The following RTL4 variants were observed in gnomAD, a reference collection of about 807,000 sequenced individuals.
RTL4 encodes the protein retrotransposon Gag like 4, also known as retrotransposon Gag-like protein 4.
RTL4 carries 4 observed loss-of-function variants against 5.3 expected under a neutral mutation model. The observed-to-expected ratio is 0.75, with a 90% CI of 0.37 to 1.72. The LOEUF (loss-of-function observed/expected upper bound fraction) is 1.72. Among genes scored for constraint, RTL4 ranks in the 40% most tolerant of loss-of-function variants. The probability of loss-of-function intolerance (pLI) is 0.04; values close to 1 mark genes in which losing one functional copy is unlikely to be tolerated. For synonymous variants in RTL4, 98 were observed against 87.3 expected, an observed-to-expected ratio of 1.12 and a Z score of -0.68; for missense variants, 260 against 227.1, an observed-to-expected ratio of 1.14 and a Z score of -0.93.
the RTL4 span, among the ~76,000 whole-genome samples, chrX:112,186,525 T>C: frequency 8.9e-6 from 1 of 112,029 alleles, no homozygotes; most frequent in African/African-American, 3.2e-5. Flanking sequence ...GAAATATTGT[T>C]GAATGAAGAG....
the RTL4 span, among the ~76,000 whole-genome samples, chrX:112,270,051 T>C: frequency 1.1e-4 from 12 of 112,266 alleles, no homozygotes; most frequent in Non-Finnish European, 2.1e-4. Context: ...GGCAACATCC[T>C]AAGAAAGGAC....
the RTL4 span, among the ~76,000 whole-genome samples, chrX:112,206,049 T>C: frequency 4.5e-5 from 5 of 112,128 alleles, no homozygotes; most frequent in African/African-American, 1.6e-4. Context: ...TTTTATTGAC[T>C]TGTGCTCTTC....
chrX:112,098,721 C>G, the RTL4 span, among the ~76,000 whole-genome samples: 1 of 111,574 alleles, frequency 9.0e-6, no homozygotes, highest in Non-Finnish European at 1.9e-5. Context: ...TGATGATGAG[C>G]ATTTTTTCAT....
chrX:112,141,304 T>A, the RTL4 span, among the ~76,000 whole-genome samples: 12 of 112,356 alleles, frequency 1.1e-4, no homozygotes, highest in African/African-American at 3.9e-4. Context: ...TTCTTGTTGT[T>A]TTTTTGTAGA....
chrX:112,199,288 CAAAAAAAAA>C, the RTL4 span, among the ~76,000 whole-genome samples: 1 of 34,174 alleles, frequency 2.9e-5, no homozygotes, highest in Non-Finnish European at 5.7e-5. Context: ...GGCTCCGTCT[CAAAAAAAAA>C]AAAAAAAAAA....
the RTL4 span, among the ~76,000 whole-genome samples, chrX:112,442,401 C>T: frequency 9.9e-6 from 1 of 101,023 alleles, no homozygotes; most frequent in African/African-American, 3.8e-5. Context: ...CCACCACATC[C>T]AGTTAATTTT....
At chrX:112,109,053 G>A in the RTL4 span, among the ~76,000 whole-genome samples, 1 of 111,518 alleles carries the variant, frequency 9.0e-6, no homozygotes, top group African/African-American at 3.3e-5. Flanking sequence ...GAGGGGTGAT[G>A]TAGGAAATGT....
At chrX:112,118,368 C>G in the RTL4 span, among the ~76,000 whole-genome samples, 304 of 112,333 alleles carry the variant, frequency 2.7e-3, 3 homozygotes, top group African/African-American at 9.5e-3. Context: ...CAGTTTCTCT[C>G]CAGCTATTGG....
the RTL4 span, among the ~76,000 whole-genome samples, chrX:112,305,179 CT>C: frequency 0.065 from 6,371 of 98,391 alleles, 526 homozygotes; most frequent in African/African-American, 0.22. Context: ...TTTTTTTTGT[CT>C]TTTTTTTTTT....
At chrX:112,403,179 A>G in the RTL4 span, among the ~76,000 whole-genome samples, 2 of 111,402 alleles carry the variant, frequency 1.8e-5, no homozygotes, top group African/African-American at 6.5e-5. Context: ...CTACCAAAAG[A>G]AAATGCTCAC....
chrX:112,330,766 G>T, the RTL4 span, among the ~76,000 whole-genome samples: 2 of 109,954 alleles, frequency 1.8e-5, no homozygotes, highest in Non-Finnish European at 3.8e-5. Flanking sequence ...ATACTACAAG[G>T]CTACAGTAAC....
the RTL4 span, among the ~76,000 whole-genome samples, chrX:112,405,255 C>T: frequency 2.2e-3 from 249 of 111,313 alleles, no homozygotes; most frequent in African/African-American, 7.5e-3. Flanking sequence ...AAATAAAAAC[C>T]CTAGACACAG....
the RTL4 span, among the ~76,000 whole-genome samples, chrX:112,100,958 G>A: frequency 3.6e-5 from 4 of 111,905 alleles, no homozygotes; most frequent in South Asian, 7.4e-4. Flanking sequence ...CCTTACAACT[G>A]TCTTAGTTTT....
the RTL4 span, among the ~76,000 whole-genome samples, chrX:112,241,007 T>C: frequency 9.0e-6 from 1 of 111,616 alleles, no homozygotes; most frequent in African/African-American, 3.3e-5. Flanking sequence ...CTCATCATTT[T>C]TTATGGCTGC....
At chrX:112,114,905 T>C in the RTL4 span, among the ~76,000 whole-genome samples, 1 of 111,321 alleles carries the variant, frequency 9.0e-6, no homozygotes, top group African/African-American at 3.3e-5. Context: ...TGCAGGATAG[T>C]ATTGTAATTT....
the RTL4 span, among the ~76,000 whole-genome samples, chrX:112,249,908 G>A: frequency 9.2e-6 from 1 of 109,273 alleles, no homozygotes; most frequent in Non-Finnish European, 1.9e-5. Context: ...CCTGCAAGAG[G>A]AAAAAAAATA....
At chrX:112,303,523 C>T in the RTL4 span, among the ~76,000 whole-genome samples, 7 of 95,473 alleles carry the variant, frequency 7.3e-5, no homozygotes, top group Admixed American at 1.3e-4. Flanking sequence ...AACCAAACAC[C>T]GCATGTTCTC....
the RTL4 span, among the ~76,000 whole-genome samples, chrX:112,089,038 G>T: frequency 9.0e-6 from 1 of 111,015 alleles, no homozygotes; most frequent in Non-Finnish European, 1.9e-5. Context: ...TTTTATGATA[G>T]TGTCCTCTGA....
At chrX:112,190,205 T>TTTCTTTC in the RTL4 span, among the ~76,000 whole-genome samples, 4 of 104,473 alleles carry the variant, frequency 3.8e-5, no homozygotes, top group South Asian at 4.2e-4. Flanking sequence ...TCTTTCTTTC[T>TTTCTTTC]TTTTTCTATA....
Sources: gnomAD v4.1 joint callset for allele counts (sites outside exome capture counted in the v4.1 genomes callset) on GRCh38, gnomAD v4.1.1 for gene constraint, MANE v1.5 for transcripts, NCBI Gene and HGNC (gene_info 2026-07-23, HGNC 2026-07-21) for gene names.